Variants in PDP1 observed in about 807,000 individuals in gnomAD.
PDP1 encodes the protein pyruvate dehyrogenase phosphatase catalytic subunit 1.
A neutral mutation model predicts 37.1 loss-of-function variants in PDP1; 14 were observed. That is an observed-to-expected ratio of 0.38 (90% confidence interval 0.25 to 0.59). The LOEUF (loss-of-function observed/expected upper bound fraction) is 0.59. PDP1 is among the 20% of genes least tolerant of loss of function. The pLI, the probability that PDP1 is intolerant of heterozygous loss-of-function variation, is 0.67. For missense variants in PDP1, 544 were observed against 655.3 expected (o/e 0.83, Z 1.85); for synonymous variants, 251 against 243.3 (o/e 1.03, Z -0.29).
rs1167569662 is a variant in PDP1, at chr8:93,922,800, C to A, written c.741C>A (p.Ile247=). ...INAFKRLDND[I]SLEAQVGDPN... ...CCTTCAAGAGGCTTGATAATGACAT[C>A]TCCTTGGAGGCGCAAGTTGGTGATC... Residue 247 remains isoleucine (I), a synonymous_variant, in exon 2 of 2, where the codon ATC becomes ATA. Coordinates refer to ENST00000297598, the MANE Select transcript of PDP1 (RefSeq NM_018444.4). This position sits in a 1 kb window ranked among gnomAD's most constrained non-coding sequence, Gnocchi z 4.0. The A allele has an allele frequency of 1.2e-6, 2 of 1,614,220 alleles. No homozygotes were observed. Among genetic ancestry groups the A allele is most frequent in the East Asian group, 4.5e-5 (2 of 44,886 alleles).
rs772803719 is a variant in PDP1, at chr8:93,922,930, G to T, written c.871G>T (p.Asp291Tyr). ...GVDLHVANTG[D>Y]SRAMLGVQEE... ...TGACCTTCATGTGGCCAATACTGGCGATAGCAGAGCCATGCTGGGTGTGCA... is the reference window on the plus strand; with the variant it reads ...TGACCTTCATGTGGCCAATACTGGCTATAGCAGAGCCATGCTGGGTGTGCA... The change falls in exon 2 of 2, where the codon GAT (aspartate) becomes TAT (tyrosine). Residue 291 changes from aspartate to tyrosine, a missense_variant. By Grantham distance (160) the Asp-to-Tyr change is radical. Transcript: ENST00000297598. This position sits in a 1 kb window ranked among gnomAD's most constrained non-coding sequence, Gnocchi z 4.0. 2 of 1,614,172 alleles carry T rather than the reference G, an allele frequency of 1.2e-6. No homozygotes were observed. The highest frequency in any genetic ancestry group is 3.3e-5 in the Admixed American group (2 of 60,022).
At chr8:93,920,721 A>G in intron 1 of PDP1, 1 of 887,430 alleles carries the variant, frequency 1.1e-6, no homozygotes, top group Non-Finnish European at 1.3e-6. Flanking sequence ...GCAAGTAAAT[A>G]CCTTTTTTTT....
Position 93,922,377 on chromosome 8 carries a change from C to T in PDP1, c.318C>T (p.Val106=). 1.2e-6 allele frequency: 2 copies of T among 1,614,140 alleles called. No homozygotes were observed. The highest frequency in any genetic ancestry group is 8.5e-7 in the Non-Finnish European group (1 of 1,180,024). ...TGCCAGAATTTGACGGCAAAAATGT[C>T]AGTTCTATCCTTGGATTTGACAGCA... ...FKVPEFDGKN[V]SSILGFDSNQ... Residue 106 remains valine (V), a synonymous_variant, in exon 2 of 2, where the codon GTC becomes GTT. Transcript: ENST00000297598. This position sits in a 1 kb window ranked among gnomAD's most constrained non-coding sequence, Gnocchi z 4.0.
chr8:93,918,819 T>C (rs112436975), intron 1 of PDP1: 5 of 152,378 alleles, frequency 3.3e-5, no homozygotes, highest in African/African-American at 1.2e-4. Context: ...AGTTTTTCAT[T>C]GCTTACTTAT....
rs1388317775 is a variant in PDP1 at position 93,923,648 on chromosome 8, T to C, written c.1589T>C (p.Val530Ala). 1.9e-6 allele frequency: 3 copies of C among 1,613,916 alleles called. No individual in the cohort carries two copies. The African/African-American group carries it at 4.0e-5, about 22-fold the overall frequency. ...GTAGTTCAGTTCAATTCTCATGTTG[T>C]AGGGGCGTATCAAAACCAAGAATAG... ...IIVVQFNSHVVGAYQNQE is the reference protein window; with the variant it reads ...IIVVQFNSHVAGAYQNQE The change falls in exon 2 of 2, where the codon GTA becomes GCA. Residue 530 changes from valine (V) to alanine (A), a missense_variant. Val to Ala is a moderately conservative substitution (Grantham distance 64). Around this residue, in one of 5 missense-constraint regions of PDP1, gnomAD observed 159 missense variants for 165.5 expected, o/e 0.96. Coordinates refer to ENST00000297598, the MANE Select transcript of PDP1 (RefSeq NM_018444.4). The surrounding 1 kb of genome is among the most constrained non-coding windows in gnomAD (Gnocchi z 4.3).
intron 1 of PDP1, chr8:93,921,671 G>A (rs1020897229): frequency 5.4e-6 from 1 of 185,572 alleles, no homozygotes; most frequent in Non-Finnish European, 1.1e-5. Flanking sequence ...GACGGCTACT[G>A]CATAATGTTA....
At position 93,918,335 on chromosome 8, in the gene PDP1, T is replaced by C. The variant is rs142606361; in HGVS notation, c.-45+1256T>C. Reference sequence around the variant, plus strand: ...CATTAAATGATTAGCATAGCTTTTCTTTTTCATTTACATCAGAAGCTTTGC... The same window carrying C: ...CATTAAATGATTAGCATAGCTTTTCCTTTTCATTTACATCAGAAGCTTTGC... On this transcript the variant is annotated intron_variant, in intron 1 of 1. Coordinates refer to ENST00000297598, the MANE Select transcript of PDP1 (RefSeq NM_018444.4). 1.8e-3 allele frequency among the ~76,000 whole-genome samples: 275 copies of C among 152,336 alleles called. 1 individual carries two copies. Among genetic ancestry groups the C allele is most frequent in the Admixed American group, 3.5e-3 (53 of 15,302 alleles).
chr8:93,918,649 A>C (rs987012945), intron 1 of PDP1, among the ~76,000 whole-genome samples: 2 of 152,208 alleles, frequency 1.3e-5, no homozygotes, highest in Non-Finnish European at 2.9e-5. Context: ...ATAACTTGCA[A>C]ATTTGACACT....
At chr8:93,920,291 C>T (rs1810229094) in intron 1 of PDP1, among the ~76,000 whole-genome samples, 1 of 152,086 alleles carries the variant, frequency 6.6e-6, no homozygotes, top group Non-Finnish European at 1.5e-5. Context: ...TCAAATTATT[C>T]TTCAAAAAAG....
At chr8:93,919,071 C>T (rs1408464658) in intron 1 of PDP1, 1 of 722,264 alleles carries the variant, frequency 1.4e-6, no homozygotes, top group Non-Finnish European at 1.7e-6. Context: ...AATTCACTCT[C>T]TCATTTTTTG....
chr8:93,923,629 C>T lies in PDP1; in HGVS notation c.1570C>T (p.Gln524Ter). Reference protein sequence around the residue: ...YRDDITIIVVQFNSHVVGAYQ... With the variant: ...YRDDITIIVV Reference sequence around the variant, plus strand: ...AGATGACATTACAATCATTGTAGTTCAGTTCAATTCTCATGTTGTAGGGGC... The same window carrying T: ...AGATGACATTACAATCATTGTAGTTTAGTTCAATTCTCATGTTGTAGGGGC... Residue 524 changes from glutamine to a stop codon, truncating the protein, a stop_gained, in exon 2 of 2, where the codon CAG becomes TAG. Coordinates refer to ENST00000297598, the MANE Select transcript of PDP1 (RefSeq NM_018444.4). LOFTEE classifies it high-confidence loss of function. This position sits in a 1 kb window ranked among gnomAD's most constrained non-coding sequence, Gnocchi z 4.3. The T allele has an allele frequency of 6.2e-7, 1 of 1,614,008 alleles. No homozygotes were observed. Among genetic ancestry groups the T allele is most frequent in the Non-Finnish European group, 8.5e-7 (1 of 1,180,016 alleles).
intron 1 of PDP1, chr8:93,921,296 A>G (rs926378934): frequency 2.0e-6 from 2 of 985,282 alleles, no homozygotes; most frequent in Non-Finnish European, 2.4e-6. Context: ...TGGCAGACCT[A>G]TGCCCGTTAG....
rs1810423209 is a variant in PDP1 at position 93,926,040 on chromosome 8, G to C, written c.*2367G>C. The C allele has an allele frequency of 6.0e-6, 1 of 165,832 alleles. No homozygotes were observed. Among genetic ancestry groups the C allele is most frequent in the South Asian group, 2.1e-4 (1 of 4,830 alleles). 10.3% of individuals were successfully genotyped at this position (165,832 alleles called of 1,614,324 possible). A position where few individuals can be genotyped will look rare whatever the true frequency, so the allele number is the denominator to read the frequency against. Reference sequence around the variant, plus strand: ...GAATGGTTGGAGAAATGCCTATGGTGAATTAAAGCTTCATATCTGCTTTCT... The same window carrying C: ...GAATGGTTGGAGAAATGCCTATGGTCAATTAAAGCTTCATATCTGCTTTCT... On this transcript the variant is annotated 3_prime_UTR_variant, in exon 2 of 2. Transcript: ENST00000297598.
intron 1 of PDP1, among the ~76,000 whole-genome samples, chr8:93,918,532 G>A (rs1810158826): frequency 6.6e-6 from 1 of 152,106 alleles, no homozygotes; most frequent in Non-Finnish European, 1.5e-5. Flanking sequence ...TTCTTTATTA[G>A]TCATTGGCAA....
Position 93,917,810 on chromosome 8 carries a change from C to T in PDP1, c.-45+731C>T, listed in dbSNP as rs1384315443. ...TCCCGCCTCCCCGCCGCCGCCTCCT[C>T]TAATGAGCATCTCTGCCTTGCTTTC... On this transcript the variant is annotated intron_variant, in intron 1 of 1. Coordinates refer to ENST00000297598, the MANE Select transcript of PDP1 (RefSeq NM_018444.4). 3 of 1,603,438 alleles carry T rather than the reference C, an allele frequency of 1.9e-6. No individual in the cohort carries two copies. In the East Asian group the frequency reaches 6.7e-5, roughly 36 times the overall value.
rs1388695678 is a variant in PDP1, at chr8:93,925,462, C to T, written c.*1789C>T. On this transcript the variant is annotated 3_prime_UTR_variant, in exon 2 of 2. Transcript: ENST00000297598. Reference sequence around the variant, plus strand: ...AAATATGTGGACTGCTCTAGCAAACCCTATTTTCAGCTACTATTTGAATAT... The same window carrying T: ...AAATATGTGGACTGCTCTAGCAAACTCTATTTTCAGCTACTATTTGAATAT... 1 of 166,600 alleles carries T rather than the reference C, an allele frequency of 6.0e-6. No homozygotes were observed. The highest frequency in any genetic ancestry group is 2.4e-5 in the African/African-American group (1 of 41,338). The allele number at this position is 166,600 out of a possible 1,614,324, so 10.3% of individuals were successfully genotyped here. A position where few individuals can be genotyped will look rare whatever the true frequency, so the allele number is the denominator to read the frequency against.
intron 1 of PDP1, chr8:93,917,672 T>C (rs1586149901): frequency 1.3e-6 from 1 of 744,218 alleles, no homozygotes; most frequent in East Asian, 2.9e-5. Context: ...GCGGGGTGGG[T>C]TGGTTTGGTT....
intron 1 of PDP1, chr8:93,918,805 TAA>T (rs1810168775): frequency 6.6e-6 from 1 of 152,244 alleles, no homozygotes; most frequent in African/African-American, 2.4e-5. Context: ...TGAAGGATAT[TAA>T]GAGTTTTTCA....
Position 93,923,635 on chromosome 8 carries a change from A to C in PDP1, c.1576A>C (p.Asn526His). 1.2e-6 allele frequency: 2 copies of C among 1,614,136 alleles called. No homozygotes were observed. Among genetic ancestry groups the C allele is most frequent in the Non-Finnish European group, 1.7e-6 (2 of 1,180,022 alleles). ...CATTACAATCATTGTAGTTCAGTTC[A>C]ATTCTCATGTTGTAGGGGCGTATCA... is the stretch of plus-strand genomic sequence containing the variant. ...DDITIIVVQF[N>H]SHVVGAYQNQ... The change falls in exon 2 of 2, where the codon AAT becomes CAT. Residue 526 changes from asparagine to histidine, a missense_variant. Around this residue, in one of 5 missense-constraint regions of PDP1, gnomAD observed 159 missense variants for 165.5 expected, o/e 0.96. Coordinates refer to ENST00000297598, the MANE Select transcript of PDP1 (RefSeq NM_018444.4). The surrounding 1 kb of genome is among the most constrained non-coding windows in gnomAD (Gnocchi z 4.3).
Sources: gnomAD v4.1 joint callset for allele counts (sites outside exome capture counted in the v4.1 genomes callset) on GRCh38, gnomAD v4.1.1 for gene constraint, gnomAD v4.1.1 regional missense constraint, Gnocchi (gnomAD v3.1) non-coding constraint, MANE v1.5 for transcripts, NCBI Gene and HGNC (gene_info 2026-07-23, HGNC 2026-07-21) for gene names.